ZSWIM8: variants seen among roughly 807,000 people sequenced by gnomAD.
ZSWIM8 encodes the protein zinc finger SWIM-type containing 8, also known as zinc finger SWIM domain-containing protein 8.
ZSWIM8 carries 27 observed loss-of-function variants against 173.7 expected under a neutral mutation model. That is an observed-to-expected ratio of 0.16 (90% confidence interval 0.11 to 0.21). The LOEUF is 0.21. Among genes scored for constraint, ZSWIM8 ranks in the 10% least tolerant of loss-of-function variants. The pLI is 1.00. For synonymous variants in ZSWIM8, 958 were observed against 962.0 expected, an observed-to-expected ratio of 1.00 and a Z score of 0.08; for missense variants, 1,627 against 2,428.8, an observed-to-expected ratio of 0.67 and a Z score of 6.94.
At chr10:73,795,962 CAAAAA>C (rs34801762) in intron 15 of ZSWIM8, among the ~76,000 whole-genome samples, 1 of 58,810 alleles carries the variant, frequency 1.7e-5, no homozygotes, top group African/African-American at 6.8e-5. Context: ...GACCCTGTTT[CAAAAA>C]AAAAAAAAAA....
At position 73,800,795 on chromosome 10, in the gene ZSWIM8, C is replaced by CG; in HGVS notation, c.5122+36_5122+37insG. 6.8e-7 allele frequency: 1 copy of CG among 1,467,116 alleles called. No homozygotes were observed. Among genetic ancestry groups the CG allele is most frequent in the Non-Finnish European group, 9.3e-7 (1 of 1,075,116 alleles). The allele number at this position is 1,467,116 out of a possible 1,614,324, so 90.9% of individuals were successfully genotyped here. A position where few individuals can be genotyped will look rare whatever the true frequency, so the allele number is the denominator to read the frequency against. ...CCCTCCCTAGGACCATTGCCCCCCC[C>CG]CCACCTGCTCTCCCCACCTTCCTTA... On this transcript the variant is annotated intron_variant, in intron 24 of 25. Coordinates refer to ENST00000604729, the MANE Select transcript of ZSWIM8 (RefSeq NM_001367799.1). The surrounding 1 kb of genome is among the most constrained non-coding windows in gnomAD (Gnocchi z 4.1).
chr10:73,798,096 A>G, intron 19 of ZSWIM8, 26 bp downstream of exon 19: 1 of 1,609,192 alleles, frequency 6.2e-7, no homozygotes, highest in Non-Finnish European at 8.5e-7. Flanking sequence ...TGACTTGGGT[A>G]TGGGAGGGGG....
At position 73,800,993 on chromosome 10, in the gene ZSWIM8, C is replaced by G; in HGVS notation, c.5123-24C>G. On this transcript the variant is annotated intron_variant, in intron 24 of 25. Coordinates refer to ENST00000604729, the MANE Select transcript of ZSWIM8 (RefSeq NM_001367799.1). This position sits in a 1 kb window ranked among gnomAD's most constrained non-coding sequence, Gnocchi z 4.1. ...AGGGCAGAGGTGGCCACCCCCGTCT[C>G]ATGCCCCTCCCCCTGCCCCCCAGGA... 1 of 1,533,114 alleles carries G rather than the reference C, an allele frequency of 6.5e-7. No homozygotes were observed. Among genetic ancestry groups the G allele is most frequent in the South Asian group, 1.2e-5 (1 of 83,260 alleles). The allele number at this position is 1,533,114 out of a possible 1,614,324, so 95.0% of individuals were successfully genotyped here. A position where few individuals can be genotyped will look rare whatever the true frequency, so the allele number is the denominator to read the frequency against.
chr10:73,798,684 C>G (rs1339297289), intron 20 of ZSWIM8, among the ~76,000 whole-genome samples: 3 of 152,146 alleles, frequency 2.0e-5, no homozygotes, highest in African/African-American at 4.8e-5. Context: ...GAAATGGAGG[C>G]CTACGGTTTA....
chr10:73,797,859 C>T lies in ZSWIM8; in HGVS notation c.3741C>T (p.Phe1247=), dbSNP rs376077155. ...QPSEAAAHFY[F]ELAKTVLIKA... is the part of the protein sequence containing the mutation. ...CAGAGGCAGCTGCACACTTCTACTTCGAGCTGGCGAAGACAGTGCTGATCA... is the reference window on the plus strand; with the variant it reads ...CAGAGGCAGCTGCACACTTCTACTTTGAGCTGGCGAAGACAGTGCTGATCA... Residue 1247 remains phenylalanine, a synonymous_variant, in exon 19 of 26, where the codon TTC becomes TTT. Transcript: ENST00000604729. The surrounding 1 kb of genome is among the most constrained non-coding windows in gnomAD (Gnocchi z 5.6). 2.1e-5 allele frequency: 34 copies of T among 1,613,778 alleles called. No homozygotes were observed. The African/African-American group carries it at 2.4e-4, about 11-fold the overall frequency.
chr10:73,792,167 A>G lies in ZSWIM8; in HGVS notation c.1628A>G (p.Lys543Arg), dbSNP rs753129357. 3.3e-6 allele frequency: 5 copies of G among 1,528,842 alleles called. No individual in the cohort carries two copies. In the Admixed American group the frequency reaches 6.4e-5, roughly 19 times the overall value. 94.7% of individuals were successfully genotyped at this position (1,528,842 alleles called of 1,614,324 possible). Residue 543 changes from lysine (K) to arginine (R), a missense_variant, in exon 10 of 26, where the codon AAG becomes AGG. Lys to Arg is a conservative substitution (Grantham distance 26). This residue lies in a region of ZSWIM8 where 383 missense variants were observed against 394.8 expected (regional missense o/e 0.97). Transcript: ENST00000604729. The surrounding 1 kb of genome is among the most constrained non-coding windows in gnomAD (Gnocchi z 4.3). ...CCTACTGAGCCAGCTGTGCGGCCCAAGGAGCCTGGGACCAAGCGAAAGGGC... is the reference window on the plus strand; with the variant it reads ...CCTACTGAGCCAGCTGTGCGGCCCAGGGAGCCTGGGACCAAGCGAAAGGGC... ...PLPTEPAVRP[K>R]EPGTKRKGLG...
chr10:73,792,078 C>T lies in ZSWIM8; in HGVS notation c.1539C>T (p.Pro513=), dbSNP rs2083435939. 6.5e-6 allele frequency: 10 copies of T among 1,533,402 alleles called. No homozygotes were observed. The highest frequency in any genetic ancestry group is 1.2e-5 in the South Asian group (1 of 83,694). The allele number at this position is 1,533,402 out of a possible 1,614,324, so 95.0% of individuals were successfully genotyped here. A position where few individuals can be genotyped will look rare whatever the true frequency, so the allele number is the denominator to read the frequency against. ...CACTGTGCTGGGCCCGGGCCCTGCC[C>T]TCTCGGCCAGGTGCCTCCCGCTCTG... ...KLALCWARAL[P]SRPGASRSGG... The change falls in exon 10 of 26, where the codon CCC becomes CCT. Residue 513 remains proline, a synonymous_variant. Coordinates refer to ENST00000604729, the MANE Select transcript of ZSWIM8 (RefSeq NM_001367799.1). The surrounding 1 kb of genome is among the most constrained non-coding windows in gnomAD (Gnocchi z 4.3).
At chr10:73,788,268 A>G (rs3911887) in intron 1 of ZSWIM8, among the ~76,000 whole-genome samples, 96,052 of 151,482 alleles carry the variant, frequency 0.63, 31,729 homozygotes, top group Middle Eastern at 0.83. Context: ...GCAATCGGAG[A>G]CAAGAATGCC....
intron 15 of ZSWIM8, among the ~76,000 whole-genome samples, chr10:73,796,143 G>A (rs943571900): frequency 1.9e-4 from 29 of 151,744 alleles, no homozygotes; most frequent in Non-Finnish European, 3.7e-4. Context: ...CGGGAGGATC[G>A]TTTGAGACCA....
In ZSWIM8 at chr10:73,793,885, C is replaced by T; in HGVS notation, c.2466C>T (p.Ser822=). 1 of 1,610,244 alleles carries T rather than the reference C, an allele frequency of 6.2e-7. No homozygotes were observed. Among genetic ancestry groups the T allele is most frequent in the Non-Finnish European group, 8.5e-7 (1 of 1,178,564 alleles). ...PPAKGKKNKV[S]TSRQTWVATN... is the part of the protein sequence containing the mutation. The stretch of plus-strand genomic sequence containing the variant: ...TCTAGGGCAAGAAGAACAAGGTATC[C>T]ACGAGCCGTCAGACCTGGGTGGCTA... The change falls in exon 12 of 26, where the codon TCC becomes TCT. Residue 822 remains serine, a synonymous_variant. Transcript: ENST00000604729.
intron 7 of ZSWIM8, 86 bp from the exon 8 acceptor site, chr10:73,790,889 C>T (rs2083394095): frequency 5.4e-6 from 7 of 1,297,488 alleles, no homozygotes; most frequent in Non-Finnish European, 6.4e-6. Flanking sequence ...TTCCCTCTAT[C>T]TTCTGTATTT....
In ZSWIM8 at chr10:73,792,720, T is replaced by C. The variant is rs531043568; in HGVS notation, c.2181T>C (p.Asp727=). The C allele has an allele frequency of 7.4e-6, 12 of 1,613,754 alleles. No homozygotes were observed. In the East Asian group the frequency reaches 2.0e-4, roughly 27 times the overall value. The change falls in exon 10 of 26, where the codon GAT becomes GAC. Residue 727 remains aspartate, a synonymous_variant. Coordinates refer to ENST00000604729, the MANE Select transcript of ZSWIM8 (RefSeq NM_001367799.1). The surrounding 1 kb of genome is among the most constrained non-coding windows in gnomAD (Gnocchi z 4.3). The part of the protein sequence containing the change: ...EAAPAVGEED[D]DYQAYYLNAQ... Reference sequence around the variant, plus strand: ...CCCCTGCAGTTGGAGAGGAGGATGATGACTACCAGGCGTACTATCTGAATG... The same window carrying C: ...CCCCTGCAGTTGGAGAGGAGGATGACGACTACCAGGCGTACTATCTGAATG...
chr10:73,790,085 G>A, intron 6 of ZSWIM8, 48 bp downstream of exon 6: 1 of 1,609,680 alleles, frequency 6.2e-7, no homozygotes, highest in East Asian at 2.2e-5. Flanking sequence ...CCAGCTTGTA[G>A]TACAGAGCGC....
intron 1 of ZSWIM8, among the ~76,000 whole-genome samples, chr10:73,788,282 G>A (rs1319496524): frequency 1.3e-5 from 2 of 152,032 alleles, no homozygotes; most frequent in Non-Finnish European, 2.9e-5. Flanking sequence ...GAATGCCAGA[G>A]GAGAGACATT....
chr10:73,792,378 C>T lies in ZSWIM8; in HGVS notation c.1839C>T (p.Ser613=). The part of the protein sequence containing the change: ...SKRRLSSEDS[S]LEPDLAEMSL... ...GACGGCTGAGCAGCGAAGACAGCTC[C>T]CTGGAGCCAGACCTGGCCGAGATGA... Residue 613 remains serine, a synonymous_variant, in exon 10 of 26, where the codon TCC becomes TCT. Coordinates refer to ENST00000604729, the MANE Select transcript of ZSWIM8 (RefSeq NM_001367799.1). This position sits in a 1 kb window ranked among gnomAD's most constrained non-coding sequence, Gnocchi z 4.3. The T allele has an allele frequency of 6.2e-7, 1 of 1,607,874 alleles. No individual in the cohort carries two copies. The highest frequency in any genetic ancestry group is 8.5e-7 in the Non-Finnish European group (1 of 1,177,226).
At position 73,792,654 on chromosome 10, in the gene ZSWIM8, A is replaced by T; in HGVS notation, c.2115A>T (p.Thr705=). Residue 705 remains threonine, a synonymous_variant, in exon 10 of 26, where the codon ACA becomes ACT. Coordinates refer to ENST00000604729, the MANE Select transcript of ZSWIM8 (RefSeq NM_001367799.1). This position sits in a 1 kb window ranked among gnomAD's most constrained non-coding sequence, Gnocchi z 4.3. The part of the protein sequence containing the change: ...DVCTQDDLPS[T]DESGNGLPKT... ...GTACCCAGGACGACCTCCCTTCTAC[A>T]GATGAGAGTGGCAATGGGCTTCCCA... 1 of 1,614,038 alleles carries T rather than the reference A, an allele frequency of 6.2e-7. No homozygotes were observed. The highest frequency in any genetic ancestry group is 2.2e-5 in the East Asian group (1 of 44,884).
intron 1 of ZSWIM8, among the ~76,000 whole-genome samples, chr10:73,787,398 G>T (rs753834823): frequency 3.9e-5 from 6 of 152,206 alleles, no homozygotes; most frequent in African/African-American, 1.4e-4. Flanking sequence ...ATTTGAGTAT[G>T]TGGGTGGTCT....
rs1377231027 is a variant in ZSWIM8 at position 73,793,975 on chromosome 10, C to T, written c.2556C>T (p.Asn852=). 3 of 1,613,512 alleles carry T rather than the reference C, an allele frequency of 1.9e-6. No individual in the cohort carries two copies. Among genetic ancestry groups the T allele is most frequent in the Admixed American group, 1.7e-5 (1 of 59,924 alleles). The change falls in exon 12 of 26, where the codon AAC becomes AAT. Residue 852 remains asparagine, a synonymous_variant. Coordinates refer to ENST00000604729, the MANE Select transcript of ZSWIM8 (RefSeq NM_001367799.1). ...TAAGTGAGCGTCCAGAGCACCACAA[C>T]CTGGCCTTCCGAGTTGGCATGTTTG... The part of the protein sequence containing the change: ...TVLSERPEHH[N]LAFRVGMFAL...
Position 73,794,431 on chromosome 10 carries a change from A to G in ZSWIM8, c.2809+101A>G. 3 of 1,561,608 alleles carry G rather than the reference A, an allele frequency of 1.9e-6. No homozygotes were observed. In the East Asian group the frequency reaches 6.7e-5, roughly 35 times the overall value. ...AGTTTCTGAATCACCTTTAGGACCC[A>G]TCAGGCAGCTTCATGGGTAGGTCTG... On this transcript the variant is annotated intron_variant, in intron 13 of 25. Transcript: ENST00000604729.
Sources: gnomAD v4.1 joint callset for allele counts (sites outside exome capture counted in the v4.1 genomes callset) on GRCh38, gnomAD v4.1.1 for gene constraint, gnomAD v4.1.1 regional missense constraint, Gnocchi (gnomAD v3.1) non-coding constraint, MANE v1.5 for transcripts, NCBI Gene and HGNC (gene_info 2026-07-23, HGNC 2026-07-21) for gene names.